Variants in SLC4A9 observed in about 807,000 individuals in gnomAD.
SLC4A9 encodes solute carrier family 4 member 9.
Under a neutral mutation model 103.2 loss-of-function variants are expected in SLC4A9, and 102 were observed. The observed-to-expected ratio is 0.99, with a 90% CI of 0.84 to 1.17. SLC4A9 has a LOEUF of 1.17. SLC4A9 is among the 50% of genes most tolerant of loss of function. SLC4A9 has a pLI of 0.00. For missense variants in SLC4A9, 1,091 were observed against 1,193.7 expected (o/e 0.91, Z 1.27); for synonymous variants, 453 against 483.6 (o/e 0.94, Z 0.83).
At chr5:140,372,575 A>G (rs1300107047) in intron 20 of SLC4A9, 170 bp from the exon 21 acceptor site, 6 of 1,438,906 alleles carry the variant, frequency 4.2e-6, no homozygotes, top group Non-Finnish European at 9.1e-7. Flanking sequence ...CTTTCTTCAT[A>G]GGACAGGGGC....
In SLC4A9 at chr5:140,362,490, C is replaced by CCAT. The variant is rs1344584581; in HGVS notation, c.766_768dup (p.His256dup). The stretch of plus-strand genomic sequence containing the variant: ...GCCCCTGTATGCTGGGAAAGGGCTA[C>CCAT]CATGAGATGGGACGGGCAGCAGCTG... On this transcript the variant is annotated inframe_insertion, in exon 6 of 22. Coordinates refer to ENST00000506757, the MANE Select transcript of SLC4A9 (RefSeq NM_031467.3). The CCAT allele has an allele frequency of 5.0e-6, 8 of 1,614,022 alleles. No individual in the cohort carries two copies. Among genetic ancestry groups the CCAT allele is most frequent in the Non-Finnish European group, 6.8e-6 (8 of 1,179,886 alleles).
chr5:140,368,446 C>G, intron 16 of SLC4A9, 141 bp from the exon 17 acceptor site: 1 of 612,644 alleles, frequency 1.6e-6, no homozygotes, highest in South Asian at 2.6e-5. Flanking sequence ...GCTAAGGGCT[C>G]ATCCCTCTGG....
rs1766890061 is a variant in SLC4A9 at position 140,360,394 on chromosome 5, A to G, written c.158A>G (p.Asp53Gly). 1 of 1,603,908 alleles carries G rather than the reference A, an allele frequency of 6.2e-7. No homozygotes were observed. Among genetic ancestry groups the G allele is most frequent in the Non-Finnish European group, 8.5e-7 (1 of 1,175,160 alleles). The change falls in exon 1 of 22, where the codon GAC becomes GGC. Residue 53 changes from aspartate to glycine, a missense_variant. By Grantham distance (94) the Asp-to-Gly change is moderately conservative. Transcript: ENST00000506757. ...TESKELGVPK[D>G]PLLFIQLNEL... ...AGCAAGGAACTGGGAGTACCCAAAG[A>G]CCCTCTGCTCTTCATTCAGCTGAAT...
intron 19 of SLC4A9, 70 bp from the exon 20 acceptor site, chr5:140,372,172 T>C (rs1581168161): frequency 3.7e-6 from 5 of 1,361,108 alleles, no homozygotes; most frequent in Non-Finnish European, 4.9e-6. Flanking sequence ...AAGTGCTCAA[T>C]AAGTGTTACT....
Position 140,367,744 on chromosome 5 carries a change from C to T in SLC4A9, c.2200C>T (p.Leu734Phe), listed in dbSNP as rs754149172. ...GAAGGGAGCTGGCTTCCACCTGGACCTCTTCTGTGTGGCTGTGCTGATGCT... is the reference window on the plus strand; with the variant it reads ...GAAGGGAGCTGGCTTCCACCTGGACTTCTTCTGTGTGGCTGTGCTGATGCT... ...LQKGAGFHLD[L>F]FCVAVLMLLT... Residue 734 changes from leucine (L) to phenylalanine (F), a missense_variant, in exon 16 of 22, where the codon CTC (leucine) becomes TTC (phenylalanine). Coordinates refer to ENST00000506757, the MANE Select transcript of SLC4A9 (RefSeq NM_031467.3). The T allele has an allele frequency of 6.2e-7, 1 of 1,614,006 alleles. No individual in the cohort carries two copies. The highest frequency in any genetic ancestry group is 8.5e-7 in the Non-Finnish European group (1 of 1,179,898).
intron 11 of SLC4A9, 57 bp downstream of exon 11, chr5:140,364,682 G>A: frequency 1.3e-6 from 2 of 1,555,212 alleles, no homozygotes; most frequent in South Asian, 1.2e-5. Flanking sequence ...GGAAGGGGAG[G>A]GGCTGCACCC....
chr5:140,372,952 C>T, intron 21 of SLC4A9, 109 bp downstream of exon 21: 1 of 596,544 alleles, frequency 1.7e-6, no homozygotes. Flanking sequence ...ACTCCAGTCC[C>T]TTAGGAATCC....
Position 140,360,467 on chromosome 5 carries a change from G to A in SLC4A9, c.230+1G>A, listed in dbSNP as rs767213125. On this transcript the variant is annotated splice_donor_variant, in intron 1 of 21. Transcript: ENST00000506757. LOFTEE classifies it high-confidence loss of function. Reference sequence around the variant, plus strand: ...CGCTGGAGTGGAGAGAGACAGGCAGGTAAGTTGGATGCAGGCCAGTTCTGT... The same window carrying A: ...CGCTGGAGTGGAGAGAGACAGGCAGATAAGTTGGATGCAGGCCAGTTCTGT... 3 of 1,568,662 alleles carry A rather than the reference G, an allele frequency of 1.9e-6. No homozygotes were observed. In the East Asian group the frequency reaches 7.1e-5, roughly 37 times the overall value.
At position 140,371,447 on chromosome 5, in the gene SLC4A9, CT is replaced by C. The variant is rs746073290; in HGVS notation, c.2497-3del. 2.5e-6 allele frequency: 4 copies of C among 1,613,964 alleles called. No homozygotes were observed. The highest frequency in any genetic ancestry group is 3.4e-6 in the Non-Finnish European group (4 of 1,179,878). ...CTGCTTTCCTCTTCCTCTTGTTCCC[CT>C]AGTTCACTAATAGGGTGAAGCTGTT... On this transcript the variant is annotated splice_region_variant and splice_polypyrimidine_tract_variant and intron_variant, in intron 18 of 21. Coordinates refer to ENST00000506757, the MANE Select transcript of SLC4A9 (RefSeq NM_031467.3).
chr5:140,364,747 G>T, intron 11 of SLC4A9, 122 bp downstream of exon 11: 1 of 1,190,026 alleles, frequency 8.4e-7, no homozygotes, highest in East Asian at 2.6e-5. Context: ...CCCAATAACT[G>T]GCAGTACTAT....
chr5:140,362,584 G>T (rs1382848303), intron 6 of SLC4A9, 52 bp downstream of exon 6: 7 of 1,539,950 alleles, frequency 4.5e-6, no homozygotes, highest in Non-Finnish European at 6.3e-6. Context: ...ATGCCTGTGT[G>T]TGTGTGCACA....
chr5:140,362,802 G>C lies in SLC4A9; in HGVS notation c.808-110G>C, dbSNP rs777470668. The C allele has an allele frequency of 3.4e-4, 468 of 1,383,418 alleles. 1 individual carries two copies. The highest frequency in any genetic ancestry group is 4.6e-4 in the Non-Finnish European group (451 of 972,490). 85.7% of individuals were successfully genotyped at this position (1,383,418 alleles called of 1,614,324 possible). On this transcript the variant is annotated intron_variant, in intron 6 of 21. Coordinates refer to ENST00000506757, the MANE Select transcript of SLC4A9 (RefSeq NM_031467.3). ...TTAATGCATGCATAAAGGAATGTGT[G>C]AATGACTTGTCTGCCTCTGTGACTT...
Position 140,360,915 on chromosome 5 carries a change from C to G in SLC4A9, c.334C>G (p.Leu112Val). The G allele has an allele frequency of 1.2e-6, 2 of 1,605,030 alleles. No individual in the cohort carries two copies. Among genetic ancestry groups the G allele is most frequent in the Non-Finnish European group, 1.7e-6 (2 of 1,176,246 alleles). Residue 112 changes from leucine to valine, a missense_variant, in exon 2 of 22, where the codon CTG becomes GTG. Leu to Val is a conservative substitution (Grantham distance 32). Transcript: ENST00000506757. ...LPSLQKLRSL[L>V]AEGLVLLDCP... ...CAGCCTCCAGAAGCTCCGCAGCCTG[C>G]TGGCCGAGGGCCTTGTACTGCTGGA...
In SLC4A9 at chr5:140,363,172, C is replaced by A; in HGVS notation, c.962+106C>A. ...TCCCAGGAAAGAGATAGGGACCTAT[C>A]TTTGGATTTGGAGTCAGGCAGACCT... On this transcript the variant is annotated intron_variant, in intron 7 of 21. Coordinates refer to ENST00000506757, the MANE Select transcript of SLC4A9 (RefSeq NM_031467.3). The surrounding 1 kb of genome is among the most constrained non-coding windows in gnomAD (Gnocchi z 4.5). 1 of 1,438,634 alleles carries A rather than the reference C, an allele frequency of 7.0e-7. No homozygotes were observed. The allele number at this position is 1,438,634 out of a possible 1,614,324, so 89.1% of individuals were successfully genotyped here. A position where few individuals can be genotyped will look rare whatever the true frequency, so the allele number is the denominator to read the frequency against.
At chr5:140,362,761 C>T in intron 6 of SLC4A9, 151 bp from the exon 7 acceptor site, 2 of 1,088,200 alleles carry the variant, frequency 1.8e-6, no homozygotes, top group Non-Finnish European at 2.8e-6. Context: ...CAATAGATAC[C>T]CACTGAATGA....
chr5:140,361,188 G>A (rs1190549278), intron 2 of SLC4A9, 66 bp from the exon 3 acceptor site: 3 of 1,415,084 alleles, frequency 2.1e-6, no homozygotes, highest in Non-Finnish European at 2.0e-6. Context: ...CTGGGCAGAG[G>A]GAGAAGGGGA....
At chr5:140,369,414 C>G (rs143067829) in intron 17 of SLC4A9, among the ~76,000 whole-genome samples, 1 of 152,090 alleles carries the variant, frequency 6.6e-6, no homozygotes, top group East Asian at 1.9e-4. Context: ...GGGAGAAGTA[C>G]GGGTCAGTGG....
Position 140,365,925 on chromosome 5 carries a change from C to G in SLC4A9, c.1802C>G (p.Pro601Arg). 1 of 1,614,054 alleles carries G rather than the reference C, an allele frequency of 6.2e-7. No individual in the cohort carries two copies. The highest frequency in any genetic ancestry group is 8.5e-7 in the Non-Finnish European group (1 of 1,179,900). Reference protein sequence around the residue: ...HPRGPGCHTVPDIAFFSLLLF... With the variant: ...HPRGPGCHTVRDIAFFSLLLF... ...CGTGGCCCTGGCTGTCATACAGTCC[C>G]AGACATTGCCTTCTTCTCCCTTCTC... Residue 601 changes from proline (P) to arginine (R), a missense_variant, in exon 13 of 22, where the codon CCA (proline) becomes CGA (arginine). Coordinates refer to ENST00000506757, the MANE Select transcript of SLC4A9 (RefSeq NM_031467.3).
At chr5:140,361,707 C>G in intron 3 of SLC4A9, 101 bp from the exon 4 acceptor site, 2 of 1,321,658 alleles carry the variant, frequency 1.5e-6, no homozygotes, top group African/African-American at 1.4e-5. Context: ...AGGGTATACT[C>G]TAATTCTTAC....
Sources: allele counts gnomAD v4.1 joint callset (sites outside exome capture counted in the v4.1 genomes callset), GRCh38; gene constraint gnomAD v4.1.1; non-coding constraint Gnocchi (gnomAD v3.1); transcripts MANE v1.5; gene names NCBI Gene and HGNC (gene_info 2026-07-23, HGNC 2026-07-21).